The following DAPL1 variants were observed in gnomAD, a reference collection of about 807,000 sequenced individuals.
The protein encoded by DAPL1 is death-associated protein-like 1.
Under a neutral mutation model 12.9 loss-of-function variants are expected in DAPL1, and 17 were observed. The observed-to-expected ratio is 1.32, with a 90% CI of 0.90 to 1.98. The LOEUF is 1.98. DAPL1 is among the 30% of genes most tolerant of loss of function. DAPL1 has a pLI of 0.00. For synonymous variants in DAPL1, 51 were observed against 42.0 expected (o/e 1.21, Z -0.82); for missense variants, 157 against 125.7 (o/e 1.25, Z -1.19).
chr2:158,808,790 G>A (rs1474323205), intron 3 of DAPL1, among the ~76,000 whole-genome samples: 2 of 152,142 alleles, frequency 1.3e-5, no homozygotes, highest in Admixed American at 6.5e-5. Context: ...TAAGTGGATA[G>A]GATAGAATAG....
At position 158,805,700 on chromosome 2, in the gene DAPL1, T is replaced by C. The variant is rs1344309629; in HGVS notation, c.146+1331T>C. ...TCAGAAAAATGGGACTTACTATTAATTCTAACATCCACTGAACAATGCAGG... is the reference window on the plus strand; with the variant it reads ...TCAGAAAAATGGGACTTACTATTAACTCTAACATCCACTGAACAATGCAGG... On this transcript the variant is annotated intron_variant, in intron 2 of 3. Coordinates refer to ENST00000309950, the MANE Select transcript of DAPL1 (RefSeq NM_001017920.3). 1.4e-5 allele frequency among the ~76,000 whole-genome samples: 2 copies of C among 147,484 alleles called. 1 individual carries two copies. Among genetic ancestry groups the C allele is most frequent in the Admixed American group, 1.4e-4 (2 of 14,788 alleles).
In DAPL1 at chr2:158,811,520, C is replaced by T. The variant is rs189630695; in HGVS notation, c.208-4185C>T. 1.9e-4 allele frequency among the ~76,000 whole-genome samples: 29 copies of T among 152,260 alleles called. No homozygotes were observed. The East Asian group carries it at 5.4e-3, about 28-fold the overall frequency. ...TTCAGGGCTCTCTAGTCATAAAGAC[C>T]TCTATCACACTTCTTTTGCTTTTTC... On this transcript the variant is annotated intron_variant, in intron 3 of 3. Coordinates refer to ENST00000309950, the MANE Select transcript of DAPL1 (RefSeq NM_001017920.3).
At chr2:158,811,219 A>G (rs908402) in intron 3 of DAPL1, among the ~76,000 whole-genome samples, 137,727 of 152,212 alleles carry the variant, frequency 0.9, 62,398 homozygotes, top group Middle Eastern at 0.93. Flanking sequence ...TGGGATCCTG[A>G]GGGAGAGAAA....
intron 2 of DAPL1, 101 bp from the exon 3 acceptor site, chr2:158,806,954 A>G: frequency 1.2e-6 from 1 of 842,144 alleles, no homozygotes; most frequent in Non-Finnish European, 1.9e-6. Context: ...AAGCAAAGTG[A>G]AAGCATAAAA....
At chr2:158,799,993 G>A (rs924921930) in intron 1 of DAPL1, among the ~76,000 whole-genome samples, 8 of 151,502 alleles carry the variant, frequency 5.3e-5, no homozygotes, top group Admixed American at 3.9e-4. Context: ...GAACTCGGGA[G>A]GCAGAGGTTG....
intron 3 of DAPL1, among the ~76,000 whole-genome samples, chr2:158,808,638 G>C (rs1288210333): frequency 6.6e-6 from 1 of 152,188 alleles, no homozygotes; most frequent in Non-Finnish European, 1.5e-5. Flanking sequence ...GAAGTCATAA[G>C]TGACTCTCTG....
chr2:158,814,134 A>G (rs1456036749), intron 3 of DAPL1, among the ~76,000 whole-genome samples: 2 of 152,244 alleles, frequency 1.3e-5, no homozygotes, highest in Non-Finnish European at 2.9e-5. Flanking sequence ...AGTTAAGACT[A>G]AAGACACACA....
At chr2:158,799,050 A>T (rs1352446753) in intron 1 of DAPL1, among the ~76,000 whole-genome samples, 1 of 152,162 alleles carries the variant, frequency 6.6e-6, no homozygotes, top group Non-Finnish European at 1.5e-5. Flanking sequence ...AAACTAACTG[A>T]TGTATTTTTA....
intron 1 of DAPL1, among the ~76,000 whole-genome samples, chr2:158,799,367 G>A (rs764013886): frequency 5.3e-5 from 8 of 152,008 alleles, no homozygotes; most frequent in Non-Finnish European, 1.0e-4. Context: ...ATGGAGTTAC[G>A]TAAAGGATTA....
At chr2:158,810,356 T>TATTAACATGCATTC (rs2059224015) in intron 3 of DAPL1, among the ~76,000 whole-genome samples, 4 of 152,314 alleles carry the variant, frequency 2.6e-5, no homozygotes, top group African/African-American at 9.6e-5. Flanking sequence ...CCTCTGCATT[T>TATTAACATGCATTC]ATTAACATGC....
At chr2:158,798,598 A>G (rs1390545367) in intron 1 of DAPL1, among the ~76,000 whole-genome samples, 1 of 152,068 alleles carries the variant, frequency 6.6e-6, no homozygotes, top group Non-Finnish European at 1.5e-5. Flanking sequence ...GAGTGAACGG[A>G]GACTCAGTGA....
chr2:158,795,719 G>T (rs2280184), intron 1 of DAPL1, among the ~76,000 whole-genome samples: 95,152 of 151,924 alleles, frequency 0.63, 30,008 homozygotes, highest in East Asian at 0.84. Context: ...TTCCTCCCTC[G>T]AGGCAGCATT....
chr2:158,815,883 A>G lies in DAPL1; in HGVS notation c.*62A>G. On this transcript the variant is annotated 3_prime_UTR_variant, in exon 4 of 4. Coordinates refer to ENST00000309950, the MANE Select transcript of DAPL1 (RefSeq NM_001017920.3). ...TCGAATATCTGACAGCTTAGCAAAA[A>G]GGGCCAAAGCTTTCCATAGGCGTGC... The G allele has an allele frequency of 1.6e-6, 2 of 1,219,142 alleles. No homozygotes were observed. The highest frequency in any genetic ancestry group is 2.3e-5 in the East Asian group (1 of 43,044). The allele number at this position is 1,219,142 out of a possible 1,614,324, so 75.5% of individuals were successfully genotyped here.
intron 1 of DAPL1, among the ~76,000 whole-genome samples, chr2:158,803,414 G>A (rs558414326): frequency 1.3e-5 from 2 of 152,226 alleles, no homozygotes; most frequent in African/African-American, 2.4e-5. Flanking sequence ...TTAGAAAATC[G>A]CCAATCTGGC....
At chr2:158,811,017 G>C (rs1205149898) in intron 3 of DAPL1, among the ~76,000 whole-genome samples, 2 of 152,204 alleles carry the variant, frequency 1.3e-5, no homozygotes. Flanking sequence ...CCTCTGGACA[G>C]TCATGGCAAT....
At chr2:158,812,566 G>A (rs1285387973) in intron 3 of DAPL1, among the ~76,000 whole-genome samples, 1 of 152,184 alleles carries the variant, frequency 6.6e-6, no homozygotes, top group East Asian at 1.9e-4. Context: ...GGCCAAGGCA[G>A]GAGAATTGCT....
intron 1 of DAPL1, among the ~76,000 whole-genome samples, chr2:158,803,417 A>C (rs576458862): frequency 2.2e-4 from 34 of 152,390 alleles, no homozygotes; most frequent in African/African-American, 7.9e-4. Flanking sequence ...GAAAATCGCC[A>C]ATCTGGCATT....
intron 3 of DAPL1, among the ~76,000 whole-genome samples, chr2:158,809,090 G>A (rs2059216743): frequency 6.6e-6 from 1 of 152,112 alleles, no homozygotes; most frequent in Admixed American, 6.5e-5. Flanking sequence ...GCCAGGCACG[G>A]TGGCTCACGC....
At chr2:158,803,349 G>A (rs1050612015) in intron 1 of DAPL1, among the ~76,000 whole-genome samples, 6 of 152,126 alleles carry the variant, frequency 3.9e-5, no homozygotes, top group African/African-American at 1.4e-4. Context: ...AGTTGACAAG[G>A]GCACAGAAAA....
Sources: gnomAD v4.1 joint callset for allele counts (sites outside exome capture counted in the v4.1 genomes callset) on GRCh38, gnomAD v4.1.1 for gene constraint, MANE v1.5 for transcripts, NCBI Gene and HGNC (gene_info 2026-07-23, HGNC 2026-07-21) for gene names.